Variants in ABCC1 observed in about 807,000 individuals in gnomAD.
ABCC1 encodes the protein multidrug resistance-associated protein 1.
Under a neutral mutation model 172.9 loss-of-function variants are expected in ABCC1, and 83 were observed. The observed-to-expected ratio is 0.48, with a 90% confidence interval of 0.40 to 0.58. The LOEUF is 0.58. Among genes scored for constraint, ABCC1 ranks in the 20% least tolerant of loss-of-function variants. The probability of loss-of-function intolerance (pLI) is 0.00; values close to 1 mark genes in which losing one functional copy is unlikely to be tolerated. For missense variants in ABCC1, 1,817 were observed against 2,002.7 expected, an observed-to-expected ratio of 0.91 and a Z score of 1.77; for synonymous variants, 937 against 825.2, an observed-to-expected ratio of 1.14 and a Z score of -2.32.
intron 2 of ABCC1, among the ~76,000 whole-genome samples, chr16:16,008,922 CTG>C (rs1475632253): frequency 7.5e-6 from 1 of 134,120 alleles, no homozygotes; most frequent in East Asian, 2.1e-4. Context: ...CTCATAGTCA[CTG>C]TTTCCTGTTT....
chr16:16,007,768 C>G, intron 1 of ABCC1, 48 bp from the exon 2 acceptor site: 1 of 1,560,596 alleles, frequency 6.4e-7, no homozygotes, highest in Non-Finnish European at 8.7e-7. Flanking sequence ...GAGCTCCTGT[C>G]CTCTGGGGTG....
chr16:16,013,589 A>G (rs1318815183), intron 3 of ABCC1, among the ~76,000 whole-genome samples: 2 of 151,346 alleles, frequency 1.3e-5, no homozygotes, highest in Non-Finnish European at 2.9e-5. Flanking sequence ...CCTACTCTGT[A>G]TCAAGCGTTG....
intron 11 of ABCC1, 138 bp from the exon 12 acceptor site, chr16:16,055,953 AG>A (rs2049632089): frequency 1.3e-6 from 1 of 784,840 alleles, no homozygotes. Flanking sequence ...TCTATTGAAA[AG>A]AAAAAAAAAA....
chr16:15,997,939 G>A (rs2047115339), intron 1 of ABCC1, among the ~76,000 whole-genome samples: 1 of 149,254 alleles, frequency 6.7e-6, no homozygotes, highest in Admixed American at 6.8e-5. Context: ...TCAGCTGCCC[G>A]ACTAGCTGGG....
At chr16:16,118,900 A>G (rs1298884946) in intron 23 of ABCC1, among the ~76,000 whole-genome samples, 1 of 151,564 alleles carries the variant, frequency 6.6e-6, no homozygotes, top group Admixed American at 6.6e-5. Flanking sequence ...AAAAAAAAAA[A>G]AAAAAGAGCA....
intron 11 of ABCC1, 35 bp from the exon 12 acceptor site, chr16:16,056,057 C>G: frequency 6.3e-7 from 1 of 1,591,764 alleles, no homozygotes. Context: ...ATCCCAGGGT[C>G]GCCCCAGATG....
At chr16:16,006,037 AT>A (rs1745512718) in intron 1 of ABCC1, among the ~76,000 whole-genome samples, 1 of 152,112 alleles carries the variant, frequency 6.6e-6, no homozygotes, top group Admixed American at 6.6e-5. Context: ...CAAATTTTAA[AT>A]GTTGGGATCT....
chr16:16,134,259 C>G lies in ABCC1; in HGVS notation c.3967-91C>G, dbSNP rs536129036. On this transcript the variant is annotated intron_variant, in intron 27 of 30. Transcript: ENST00000399410. Reference sequence around the variant, plus strand: ...AGTTGGGTTGACCAGATGACTGATGCCTGAGGTGGGGCCGAGATGAGGGCA... The same window carrying G: ...AGTTGGGTTGACCAGATGACTGATGGCTGAGGTGGGGCCGAGATGAGGGCA... The G allele has an allele frequency of 5.3e-6, 8 of 1,516,404 alleles. No homozygotes were observed. In the South Asian group the frequency reaches 8.3e-5, roughly 16 times the overall value. The allele number at this position is 1,516,404 out of a possible 1,614,324, so 93.9% of individuals were successfully genotyped here. A position where few individuals can be genotyped will look rare whatever the true frequency, so the allele number is the denominator to read the frequency against.
chr16:15,996,969 C>T (rs150437037), intron 1 of ABCC1, among the ~76,000 whole-genome samples: 6 of 152,254 alleles, frequency 3.9e-5, no homozygotes, highest in African/African-American at 1.2e-4. Context: ...TGGACGGGGT[C>T]CCCAACTCTT....
intron 1 of ABCC1, among the ~76,000 whole-genome samples, chr16:15,975,216 G>T (rs2041859798): frequency 6.6e-6 from 1 of 152,208 alleles, no homozygotes; most frequent in Admixed American, 6.5e-5. Flanking sequence ...AGTGCTACCT[G>T]CTACCTTTAG....
At chr16:16,092,435 C>T (rs1026130512) in intron 19 of ABCC1, among the ~76,000 whole-genome samples, 1 of 152,200 alleles carries the variant, frequency 6.6e-6, no homozygotes, top group African/African-American at 2.4e-5. Flanking sequence ...CTTTCTGTCT[C>T]TCTAGATTTG....
chr16:16,032,224 C>T (rs1160176482), intron 5 of ABCC1, among the ~76,000 whole-genome samples: 1 of 152,128 alleles, frequency 6.6e-6, no homozygotes, highest in African/African-American at 2.4e-5. Context: ...CTCTTGACCT[C>T]ATGATCTGCC....
At chr16:16,050,033 T>C (rs1204109214) in intron 10 of ABCC1, among the ~76,000 whole-genome samples, 2 of 152,106 alleles carry the variant, frequency 1.3e-5, no homozygotes, top group African/African-American at 4.8e-5. Context: ...TTTTGCATGC[T>C]CAGTGTACTG....
intron 3 of ABCC1, among the ~76,000 whole-genome samples, chr16:16,011,939 G>T (rs1364602189): frequency 6.6e-6 from 1 of 151,902 alleles, no homozygotes; most frequent in Non-Finnish European, 1.5e-5. Context: ...AAAGTGCTGG[G>T]ATTACAGGCA....
chr16:16,094,814 C>CTTTT (rs895974418), intron 19 of ABCC1, among the ~76,000 whole-genome samples: 10 of 120,620 alleles, frequency 8.3e-5, no homozygotes, highest in African/African-American at 1.1e-4. Context: ...TGCGCCTGGC[C>CTTTT]TTTTTTTTTT....
intron 20 of ABCC1, among the ~76,000 whole-genome samples, chr16:16,104,281 C>T (rs1258318639): frequency 2.6e-5 from 4 of 152,180 alleles, no homozygotes; most frequent in Non-Finnish European, 4.4e-5. Flanking sequence ...TGGCCCTACC[C>T]ACATCCTGCT....
At chr16:16,106,572 G>A (rs369639242) in intron 20 of ABCC1, 166 bp from the exon 21 acceptor site, 2 of 552,568 alleles carry the variant, frequency 3.6e-6, no homozygotes, top group East Asian at 3.4e-5. Context: ...GAGTGACATG[G>A]TGGGGTGTGG....
rs765750400 is a variant in ABCC1, at chr16:16,045,843, A to G, written c.1048A>G (p.Ile350Val). The change falls in exon 9 of 31, where the codon ATC (isoleucine) becomes GTC (valine). Residue 350 changes from isoleucine to valine, a missense_variant. Coordinates refer to ENST00000399410, the MANE Select transcript of ABCC1 (RefSeq NM_004996.4). Reference sequence around the variant, plus strand: ...CTCTTTGCTCCTTTGCAGGTTGCTCATCAAGTTCGTGAATGACACGAAGGC... The same window carrying G: ...CTCTTTGCTCCTTTGCAGGTTGCTCGTCAAGTTCGTGAATGACACGAAGGC... ...FSGPQILKLL[I>V]KFVNDTKAPD... 1.2e-6 allele frequency: 2 copies of G among 1,614,098 alleles called. No individual in the cohort carries two copies. Among genetic ancestry groups the G allele is most frequent in the South Asian group, 2.2e-5 (2 of 91,050 alleles).
chr16:16,120,346 G>A (rs774889705), intron 23 of ABCC1, among the ~76,000 whole-genome samples: 1 of 152,204 alleles, frequency 6.6e-6, no homozygotes, highest in Non-Finnish European at 1.5e-5. Flanking sequence ...AAAAACCTAG[G>A]CTAGGAGAGC....
Sources: allele counts gnomAD v4.1 joint callset (sites outside exome capture counted in the v4.1 genomes callset), GRCh38; gene constraint gnomAD v4.1.1; transcripts MANE v1.5; gene names NCBI Gene and HGNC (gene_info 2026-07-23, HGNC 2026-07-21).